Variants in SOX5 observed in about 807,000 individuals in gnomAD.
SOX5 encodes SRY-box transcription factor 5, also known as transcription factor SOX-5.
A neutral mutation model predicts 92.0 loss-of-function variants in SOX5; 9 were observed. That is an observed-to-expected ratio of 0.10 (90% confidence interval 0.06 to 0.17). The LOEUF (loss-of-function observed/expected upper bound fraction) is 0.17. Among genes scored for constraint, SOX5 ranks in the 10% least tolerant of loss-of-function variants. The pLI, the probability that SOX5 is intolerant of heterozygous loss-of-function variation, is 1.00. For synonymous variants in SOX5, 344 were observed against 336.3 expected, an observed-to-expected ratio of 1.02 and a Z score of -0.25; for missense variants, 642 against 944.5, an observed-to-expected ratio of 0.68 and a Z score of 4.20.
At chr12:23,755,553 G>T in intron 4 of SOX5, 85 bp downstream of exon 4, 1 of 939,804 alleles carries the variant, frequency 1.1e-6, no homozygotes, top group Non-Finnish European at 1.7e-6. Flanking sequence ...AGAGGTGAGG[G>T]CAGAAATACT....
At chr12:24,454,109 CTT>C (rs778141359) in intron 1 of SOX5, among the ~76,000 whole-genome samples, 1 of 149,892 alleles carries the variant, frequency 6.7e-6, no homozygotes, top group East Asian at 1.9e-4. Context: ...CATTCGTTCT[CTT>C]GTTTTATTAA....
intron 1 of SOX5, among the ~76,000 whole-genome samples, chr12:24,403,562 T>C (rs192280549): frequency 2.6e-5 from 4 of 152,242 alleles, no homozygotes; most frequent in Non-Finnish European, 5.9e-5. Flanking sequence ...TGTTTTACAA[T>C]GCGAAATTCA....
intron 1 of SOX5, among the ~76,000 whole-genome samples, chr12:24,513,947 T>G (rs2138358458): frequency 6.6e-6 from 1 of 152,336 alleles, no homozygotes; most frequent in African/African-American, 2.4e-5. Flanking sequence ...TTTGGGATGT[T>G]TTCCATTGCA....
intron 1 of SOX5, among the ~76,000 whole-genome samples, chr12:24,539,411 G>A (rs1951919330): frequency 6.6e-6 from 1 of 152,012 alleles, no homozygotes; most frequent in Non-Finnish European, 1.5e-5. Flanking sequence ...TCCAACTGTT[G>A]AGCTACCTTT....
chr12:24,012,619 T>C (rs575150623), intron 4 of SOX5, among the ~76,000 whole-genome samples: 2 of 152,294 alleles, frequency 1.3e-5, no homozygotes, highest in African/African-American at 4.8e-5. Flanking sequence ...TTGTCACCTA[T>C]GGCTTAATAA....
intron 1 of SOX5, among the ~76,000 whole-genome samples, chr12:24,408,269 C>G (rs1186607874): frequency 6.6e-6 from 1 of 152,142 alleles, no homozygotes; most frequent in African/African-American, 2.4e-5. Flanking sequence ...AAATGTGATG[C>G]TTTCAGATTT....
intron 8 of SOX5, among the ~76,000 whole-genome samples, chr12:23,635,919 A>G (rs2079169776): frequency 6.6e-6 from 1 of 152,062 alleles, no homozygotes; most frequent in Non-Finnish European, 1.5e-5. Context: ...AAGAGGGAGG[A>G]AGAGAAGCTA....
At chr12:24,196,250 T>G (rs746158769) in intron 4 of SOX5, among the ~76,000 whole-genome samples, 2 of 152,228 alleles carry the variant, frequency 1.3e-5, no homozygotes, top group East Asian at 3.8e-4. Context: ...GTGAAGCACG[T>G]GATTCTGAAA....
At chr12:23,646,000 T>C (rs776271280) in intron 7 of SOX5, among the ~76,000 whole-genome samples, 3 of 152,150 alleles carry the variant, frequency 2.0e-5, no homozygotes, top group Non-Finnish European at 4.4e-5. Flanking sequence ...GTCTAAAACA[T>C]ATACATACCT....
intron 6 of SOX5, among the ~76,000 whole-genome samples, chr12:23,734,401 C>T (rs2140902879): frequency 6.6e-6 from 1 of 152,242 alleles, no homozygotes; most frequent in African/African-American, 2.4e-5. Flanking sequence ...CACGTTTTAA[C>T]ATTAAAATGT....
intron 3 of SOX5, among the ~76,000 whole-genome samples, chr12:23,821,677 G>A (rs974584103): frequency 6.6e-6 from 1 of 152,160 alleles, no homozygotes; most frequent in Non-Finnish European, 1.5e-5. Context: ...AAACCAGCTT[G>A]ATCGTGGTAG....
At chr12:24,300,813 CCAGA>C (rs1947862788) in intron 2 of SOX5, among the ~76,000 whole-genome samples, 1 of 152,172 alleles carries the variant, frequency 6.6e-6, no homozygotes, top group Non-Finnish European at 1.5e-5. Flanking sequence ...GTTGCAGGGA[CCAGA>C]CACTCATTTT....
At chr12:24,127,024 A>G (rs1949170575) in intron 4 of SOX5, among the ~76,000 whole-genome samples, 1 of 152,062 alleles carries the variant, frequency 6.6e-6, no homozygotes, top group Non-Finnish European at 1.5e-5. Flanking sequence ...AGTACATACT[A>G]CAAATGCATT....
intron 1 of SOX5, among the ~76,000 whole-genome samples, chr12:24,556,806 G>A (rs1249022586): frequency 6.6e-6 from 1 of 152,188 alleles, no homozygotes; most frequent in Admixed American, 6.5e-5. Flanking sequence ...CACATTGTCA[G>A]AGATCATATA....
At chr12:23,655,127 A>G (rs963848714) in intron 7 of SOX5, among the ~76,000 whole-genome samples, 2 of 152,128 alleles carry the variant, frequency 1.3e-5, no homozygotes, top group Non-Finnish European at 2.9e-5. Flanking sequence ...ACCTTTCTGC[A>G]TATAAAAAAT....
At chr12:24,246,581 A>G (rs1938783807) in intron 3 of SOX5, among the ~76,000 whole-genome samples, 1 of 152,166 alleles carries the variant, frequency 6.6e-6, no homozygotes, top group African/African-American at 2.4e-5. Flanking sequence ...CAGCAAATCA[A>G]GTAATGACTG....
chr12:23,741,048 C>A lies in SOX5; in HGVS notation c.569-9G>T. On this transcript the variant is annotated splice_polypyrimidine_tract_variant and intron_variant, in intron 4 of 14. Coordinates refer to ENST00000451604, the MANE Select transcript of SOX5 (RefSeq NM_006940.6). ...TAAGCTCTCGGGAGTCCCTACAAATCATATAGCAATAAAACAGACAAAATA... is the reference window on the plus strand; with the variant it reads ...TAAGCTCTCGGGAGTCCCTACAAATAATATAGCAATAAAACAGACAAAATA... The A allele has an allele frequency of 6.4e-7, 1 of 1,568,864 alleles. No individual in the cohort carries two copies. Among genetic ancestry groups the A allele is most frequent in the Non-Finnish European group, 8.7e-7 (1 of 1,153,060 alleles).
rs2095892074 is a variant in SOX5, at chr12:23,812,432, T to G, written c.481+33551A>C. The stretch of plus-strand genomic sequence containing the variant: ...CAGTAATTTGTTCTTCTTGGTAATA[T>G]CTTAAAGTAATTTCCAAAGAGAAAA... On this transcript the variant is annotated intron_variant, in intron 3 of 14. Transcript: ENST00000451604. Among the ~76,000 whole-genome samples, 3 of 152,078 alleles carry G rather than the reference T, an allele frequency of 2.0e-5. No individual in the cohort carries two copies. The South Asian group carries it at 6.2e-4, about 32-fold the overall frequency.
chr12:24,154,615 T>G (rs1351744946), intron 4 of SOX5, among the ~76,000 whole-genome samples: 1 of 152,172 alleles, frequency 6.6e-6, no homozygotes, highest in Non-Finnish European at 1.5e-5. Context: ...TAAAAAAATT[T>G]ATGAAGAGTT....
Sources: allele counts gnomAD v4.1 joint callset (sites outside exome capture counted in the v4.1 genomes callset), GRCh38; gene constraint gnomAD v4.1.1; transcripts MANE v1.5; gene names NCBI Gene and HGNC (gene_info 2026-07-23, HGNC 2026-07-21).